TBC1D21: variants seen among roughly 807,000 people sequenced by gnomAD.
TBC1D21 encodes male germ cell Rab GTPase-activating protein.
In TBC1D21, 38 loss-of-function variants were observed where a neutral mutation model predicts 46.0. That is an observed-to-expected ratio of 0.83 (90% CI 0.64 to 1.08). TBC1D21 has a LOEUF of 1.08. TBC1D21 is among the 50% of genes least tolerant of loss of function. The pLI, the probability that TBC1D21 is intolerant of heterozygous loss-of-function variation, is 0.00. For synonymous variants in TBC1D21, 151 were observed against 157.2 expected (o/e 0.96, Z 0.29); for missense variants, 415 against 417.9 (o/e 0.99, Z 0.06).
At chr15:73,879,797 G>A (rs1297034006) in intron 1 of TBC1D21, among the ~76,000 whole-genome samples, 1 of 152,208 alleles carries the variant, frequency 6.6e-6, no homozygotes, top group South Asian at 2.1e-4. Flanking sequence ...GGCATTTCAA[G>A]ATATTCTTCT....
chr15:73,909,980 A>G, the TBC1D21 span: 2 of 151,970 alleles, frequency 1.3e-5, no homozygotes, highest in African/African-American at 2.4e-5. Context: ...TGTTTCTTAG[A>G]TTCTGTGAGA....
intron 1 of TBC1D21, among the ~76,000 whole-genome samples, chr15:73,879,083 C>A (rs956869748): frequency 6.6e-6 from 1 of 152,190 alleles, no homozygotes; most frequent in African/African-American, 2.4e-5. Context: ...ACAGGGCATA[C>A]ATGAGTTATT....
the TBC1D21 span, among the ~76,000 whole-genome samples, chr15:73,901,402 A>C: frequency 6.6e-6 from 1 of 152,182 alleles, no homozygotes. Flanking sequence ...CTCTCCCCAC[A>C]GGTGAGGGGC....
At chr15:73,891,803 C>A (rs1363813421), downstream of TBC1D21, among the ~76,000 whole-genome samples, 1 of 152,240 alleles carries the variant, frequency 6.6e-6, no homozygotes, top group African/African-American at 2.4e-5. Context: ...GGACTTTGGG[C>A]ACCGACAAGC....
In TBC1D21 at chr15:73,887,754, C is replaced by T; in HGVS notation, c.894+18C>T. The T allele has an allele frequency of 6.2e-7, 1 of 1,601,942 alleles. No homozygotes were observed. Among genetic ancestry groups the T allele is most frequent in the South Asian group, 1.1e-5 (1 of 90,864 alleles). ...TCCTCCTGGTGAGAGCACCCTCGGG[C>T]AAGCTACCACCCCTGCTCCTGGAGG... is the stretch of plus-strand genomic sequence containing the variant. On this transcript the variant is annotated intron_variant, in intron 9 of 10. Transcript: ENST00000300504.
intron 1 of TBC1D21, among the ~76,000 whole-genome samples, chr15:73,876,509 C>G (rs1448223410): frequency 6.6e-6 from 1 of 150,952 alleles, no homozygotes; most frequent in East Asian, 1.9e-4. Flanking sequence ...TCCCAAAGTG[C>G]TGGGATTACA....
chr15:73,880,841 T>G (rs1207957895), intron 1 of TBC1D21, among the ~76,000 whole-genome samples: 1 of 152,196 alleles, frequency 6.6e-6, no homozygotes, highest in African/African-American at 2.4e-5. Flanking sequence ...CACTGCTGTT[T>G]TTAGTGGGGG....
At chr15:73,895,661 AG>A in the TBC1D21 span, among the ~76,000 whole-genome samples, 1 of 152,212 alleles carries the variant, frequency 6.6e-6, no homozygotes, top group Non-Finnish European at 1.5e-5. Context: ...TATGCAAACA[AG>A]GGCAGCCCAG....
intron 1 of TBC1D21, among the ~76,000 whole-genome samples, chr15:73,877,573 G>A (rs1346597115): frequency 7.4e-6 from 1 of 135,388 alleles, no homozygotes; most frequent in African/African-American, 2.8e-5. Flanking sequence ...CATTTTATGA[G>A]GCCAACATTA....
the TBC1D21 span, among the ~76,000 whole-genome samples, chr15:73,899,481 C>T: frequency 3.3e-5 from 5 of 152,056 alleles, no homozygotes; most frequent in Admixed American, 2.6e-4. Flanking sequence ...GCTGTGCTTC[C>T]GCTCTGTGTG....
In TBC1D21 at chr15:73,886,526, G is replaced by A. The variant is rs773176856; in HGVS notation, c.691G>A (p.Gly231Arg). 8 of 1,613,600 alleles carry A rather than the reference G, an allele frequency of 5.0e-6. No homozygotes were observed. Among genetic ancestry groups the A allele is most frequent in the African/African-American group, 2.7e-5 (2 of 74,920 alleles). Residue 231 changes from glycine to arginine, a missense_variant, in exon 8 of 11, where the codon GGG becomes AGG. Coordinates refer to ENST00000300504, the MANE Select transcript of TBC1D21 (RefSeq NM_153356.3). ...TCTCCCCACAGAAGGGAAGGGTGCA[G>A]GGGCTGTGCAGTCCCTCTTCCCCTG... ...FAEHLKGKGA[G>R]AVQSLFPWFC... is the part of the protein sequence containing the mutation.
chr15:73,885,441 G>C (rs1018928410), intron 6 of TBC1D21, among the ~76,000 whole-genome samples: 5 of 152,058 alleles, frequency 3.3e-5, no homozygotes, highest in African/African-American at 1.2e-4. Context: ...TTCCTCAATG[G>C]CTCCCTGTGG....
the TBC1D21 span, among the ~76,000 whole-genome samples, chr15:73,899,774 T>C: frequency 1.3e-5 from 2 of 152,212 alleles, no homozygotes; most frequent in Non-Finnish European, 2.9e-5. Context: ...TTGAGGCACA[T>C]TAGTCTGGGG....
At chr15:73,904,024 G>A in the TBC1D21 span, among the ~76,000 whole-genome samples, 1 of 152,106 alleles carries the variant, frequency 6.6e-6, no homozygotes, top group Non-Finnish European at 1.5e-5. Context: ...CTCCAGCCTG[G>A]GCAACAGAGC....
In TBC1D21 at chr15:73,886,145, T is replaced by C. The variant is rs1595825264; in HGVS notation, c.647T>C (p.Phe216Ser). 6.2e-7 allele frequency: 1 copy of C among 1,614,208 alleles called. No individual in the cohort carries two copies. The stretch of plus-strand genomic sequence containing the variant: ...GACATGCTCAGCACCCTGATCACCT[T>C]CCTGGACCCCGTGTTTGCTGAGCAC... ...NLDMLSTLITFLDPVFAEHLK... is the reference protein window; with the variant it reads ...NLDMLSTLITSLDPVFAEHLK... Residue 216 changes from phenylalanine (F) to serine (S), a missense_variant, in exon 7 of 11, where the codon TTC becomes TCC. Phe to Ser is a radical substitution (Grantham distance 155). Transcript: ENST00000300504.
the TBC1D21 span, among the ~76,000 whole-genome samples, chr15:73,902,170 G>A: frequency 6.6e-6 from 1 of 152,174 alleles, no homozygotes; most frequent in Non-Finnish European, 1.5e-5. Context: ...ACAGGTTCTG[G>A]AAATTAGGAT....
the TBC1D21 span, among the ~76,000 whole-genome samples, chr15:73,898,902 T>TATAC: frequency 6.8e-4 from 77 of 112,848 alleles, no homozygotes; most frequent in Non-Finnish European, 1.1e-3. Flanking sequence ...TATATATATA[T>TATAC]ACACACACAC....
chr15:73,885,818 ACAC>A (rs2068234891), intron 6 of TBC1D21, among the ~76,000 whole-genome samples: 2 of 36,008 alleles, frequency 5.6e-5, no homozygotes, highest in Non-Finnish European at 1.4e-4. Flanking sequence ...ACACACATAC[ACAC>A]ACACACACAC....
At chr15:73,904,033 G>C in the TBC1D21 span, among the ~76,000 whole-genome samples, 1 of 151,976 alleles carries the variant, frequency 6.6e-6, no homozygotes, top group African/African-American at 2.4e-5. Flanking sequence ...GGGCAACAGA[G>C]CGAGACTCCG....
Sources: allele counts gnomAD v4.1 joint callset (sites outside exome capture counted in the v4.1 genomes callset), GRCh38; gene constraint gnomAD v4.1.1; transcripts MANE v1.5; gene names NCBI Gene and HGNC (gene_info 2026-07-23, HGNC 2026-07-21).